The following ADGRL3 variants were observed in gnomAD, a reference collection of about 807,000 sequenced individuals.
The protein encoded by ADGRL3 is calcium-independent alpha-latrotoxin receptor 3.
ADGRL3 carries 62 observed loss-of-function variants against 153.5 expected under a neutral mutation model. The observed-to-expected ratio is 0.40, with a 90% CI of 0.33 to 0.50. ADGRL3 has a LOEUF of 0.50. Ranked by LOEUF, ADGRL3 falls within the 20% of genes least tolerant of loss-of-function variation. The pLI is 0.47. For synonymous variants in ADGRL3, 710 were observed against 672.5 expected (o/e 1.06, Z -0.86); for missense variants, 1,641 against 1,859.4 (o/e 0.88, Z 2.16).
intron 17 of ADGRL3, 99 bp downstream of exon 17, chr4:61,948,375 C>T: frequency 2.4e-6 from 2 of 822,326 alleles, no homozygotes; most frequent in Non-Finnish European, 3.6e-6. Flanking sequence ...TCAATGTTTT[C>T]CTACTTTCAT....
intron 1 of ADGRL3, among the ~76,000 whole-genome samples, chr4:61,350,834 C>T (rs189908074): frequency 6.6e-6 from 1 of 152,102 alleles, no homozygotes; most frequent in African/African-American, 2.4e-5. Context: ...ATCTGTCTCC[C>T]TTCTTTTCCC....
chr4:62,053,470 T>A (rs973457907), intron 25 of ADGRL3, among the ~76,000 whole-genome samples: 5 of 151,538 alleles, frequency 3.3e-5, no homozygotes, highest in Non-Finnish European at 7.4e-5. Flanking sequence ...TAACAAGGAA[T>A]GTGGCCGCTT....
Position 61,713,377 on chromosome 4 carries a change from G to T in ADGRL3, c.584-17245G>T, listed in dbSNP as rs1057356699. Among the ~76,000 whole-genome samples, 92 of 151,812 alleles carry T rather than the reference G, an allele frequency of 6.1e-4. 1 individual carries two copies. Among genetic ancestry groups the T allele is most frequent in the African/African-American group, 2.1e-3 (87 of 41,348 alleles). ...GCTGATGAATCAGCAAGTATTTATT[G>T]TGTGCCTAGTGTTCACCAAAGCATA... On this transcript the variant is annotated intron_variant, in intron 6 of 26. Transcript: ENST00000683033.
At chr4:61,781,229 G>C (rs936371127) in intron 8 of ADGRL3, among the ~76,000 whole-genome samples, 1 of 151,680 alleles carries the variant, frequency 6.6e-6, no homozygotes, top group Non-Finnish European at 1.5e-5. Context: ...GGGAGGCTGA[G>C]GCAGGAGAAT....
At chr4:62,044,126 A>T (rs1729818348) in intron 24 of ADGRL3, among the ~76,000 whole-genome samples, 1 of 151,964 alleles carries the variant, frequency 6.6e-6, no homozygotes, top group South Asian at 2.1e-4. Flanking sequence ...GGAAATTAAA[A>T]TTTTCTAATT....
intron 4 of ADGRL3, among the ~76,000 whole-genome samples, chr4:61,532,287 G>A (rs1264441493): frequency 6.6e-6 from 1 of 152,104 alleles, no homozygotes; most frequent in African/African-American, 2.4e-5. Flanking sequence ...GTATGACTTG[G>A]AGTGGGAAAA....
intron 17 of ADGRL3, 110 bp downstream of exon 17, chr4:61,948,386 A>C (rs2098934082): frequency 1.3e-6 from 1 of 743,366 alleles, no homozygotes; most frequent in Non-Finnish European, 2.0e-6. Context: ...CTACTTTCAT[A>C]GTAATTCTAT....
At chr4:61,269,332 T>C (rs2093030191) in intron 1 of ADGRL3, among the ~76,000 whole-genome samples, 1 of 151,640 alleles carries the variant, frequency 6.6e-6, no homozygotes, top group Admixed American at 6.6e-5. Context: ...AAGGTATTTC[T>C]TAAAGGGAAT....
At chr4:61,674,147 TAGATA>T (rs1198587966) in intron 5 of ADGRL3, among the ~76,000 whole-genome samples, 2 of 5,354 alleles carry the variant, frequency 3.7e-4, no homozygotes, top group East Asian at 8.3e-3. Flanking sequence ...GATGCATTTT[TAGATA>T]GATAGATAGA....
chr4:61,219,205 C>A (rs1744256588), intron 1 of ADGRL3, among the ~76,000 whole-genome samples: 1 of 152,082 alleles, frequency 6.6e-6, no homozygotes, highest in Admixed American at 6.5e-5. Context: ...ATATGGAGGA[C>A]CTAAATGAGA....
intron 8 of ADGRL3, among the ~76,000 whole-genome samples, chr4:61,745,028 A>T (rs62306765): frequency 0.014 from 2,065 of 152,356 alleles, 14 homozygotes; most frequent in Non-Finnish European, 0.023. Flanking sequence ...AAAGGAGCTG[A>T]TGGAGCTGAG....
At chr4:61,861,526 G>T (rs2098340035) in intron 9 of ADGRL3, among the ~76,000 whole-genome samples, 1 of 152,018 alleles carries the variant, frequency 6.6e-6, no homozygotes, top group Non-Finnish European at 1.5e-5. Flanking sequence ...ATACCTTTTG[G>T]ATTAGGTGGG....
intron 17 of ADGRL3, among the ~76,000 whole-genome samples, chr4:61,958,470 A>C (rs1230612472): frequency 6.6e-6 from 1 of 151,536 alleles, no homozygotes; most frequent in East Asian, 1.9e-4. Flanking sequence ...GTGTTAGTTC[A>C]TTTTCACACT....
chr4:61,849,102 C>T (rs567482020), intron 9 of ADGRL3, among the ~76,000 whole-genome samples: 1 of 152,276 alleles, frequency 6.6e-6, no homozygotes, highest in Non-Finnish European at 1.5e-5. Flanking sequence ...TGAAATGCCT[C>T]AGCCACTGTT....
At chr4:61,728,619 G>A (rs529128489) in intron 6 of ADGRL3, among the ~76,000 whole-genome samples, 9 of 152,070 alleles carry the variant, frequency 5.9e-5, no homozygotes, top group Admixed American at 2.6e-4. Flanking sequence ...TTCCATGAAC[G>A]AGCATTTTTG....
At chr4:61,696,874 A>C (rs190496922) in intron 6 of ADGRL3, among the ~76,000 whole-genome samples, 2,580 of 151,918 alleles carry the variant, frequency 0.017, 69 homozygotes, top group African/African-American at 0.059. Context: ...ACGAGGTTTC[A>C]CCATGTTGGT....
chr4:61,737,405 A>G (rs1005294132), intron 8 of ADGRL3, among the ~76,000 whole-genome samples: 1 of 152,184 alleles, frequency 6.6e-6, no homozygotes, highest in African/African-American at 2.4e-5. Flanking sequence ...GGGTATATAA[A>G]GATCCTCTGG....
intron 2 of ADGRL3, among the ~76,000 whole-genome samples, chr4:61,436,366 A>G (rs1337470757): frequency 6.6e-6 from 1 of 152,216 alleles, no homozygotes; most frequent in Non-Finnish European, 1.5e-5. Flanking sequence ...ACATTTGCAT[A>G]TGAAAAATAT....
At chr4:61,249,087 C>A (rs771584838) in intron 1 of ADGRL3, among the ~76,000 whole-genome samples, 1 of 152,116 alleles carries the variant, frequency 6.6e-6, no homozygotes, top group Non-Finnish European at 1.5e-5. Context: ...CAATTAGAGT[C>A]TTCGTGTCTA....
Sources: allele counts gnomAD v4.1 joint callset (sites outside exome capture counted in the v4.1 genomes callset), GRCh38; gene constraint gnomAD v4.1.1; transcripts MANE v1.5; gene names NCBI Gene and HGNC (gene_info 2026-07-23, HGNC 2026-07-21).